Variants in CACNA2D3 observed in about 807,000 individuals in gnomAD.
CACNA2D3 encodes the protein voltage-dependent calcium channel subunit alpha-2/delta-3.
CACNA2D3 carries 60 observed loss-of-function variants against 160.6 expected under a neutral mutation model. The observed-to-expected ratio is 0.37, with a 90% confidence interval of 0.30 to 0.46. The LOEUF (loss-of-function observed/expected upper bound fraction) is 0.46. Ranked by LOEUF, CACNA2D3 falls within the 20% of genes least tolerant of loss-of-function variation. The pLI, the probability that CACNA2D3 is intolerant of heterozygous loss-of-function variation, is 1.00. For synonymous variants in CACNA2D3, 558 were observed against 492.9 expected (o/e 1.13, Z -1.75); for missense variants, 1,205 against 1,365.0 (o/e 0.88, Z 1.85).
chr3:54,351,021 CTG>C (rs1698554720), intron 3 of CACNA2D3, among the ~76,000 whole-genome samples: 1 of 105,544 alleles, frequency 9.5e-6, no homozygotes, highest in African/African-American at 3.5e-5. Context: ...CAGAGTCTCA[CTG>C]TGTCGCCCAG....
chr3:54,488,243 A>G (rs996648746), intron 4 of CACNA2D3, among the ~76,000 whole-genome samples: 1 of 152,140 alleles, frequency 6.6e-6, no homozygotes, highest in East Asian at 1.9e-4. Context: ...GTTTTATTTC[A>G]TTTTAAAAGG....
At chr3:54,342,931 G>A (rs1221895372) in intron 3 of CACNA2D3, among the ~76,000 whole-genome samples, 1 of 152,148 alleles carries the variant, frequency 6.6e-6, no homozygotes, top group East Asian at 1.9e-4. Context: ...AGGCCCGGGG[G>A]GGCCCGCCCT....
intron 3 of CACNA2D3, among the ~76,000 whole-genome samples, chr3:54,341,890 G>A (rs1479257814): frequency 6.6e-6 from 1 of 152,096 alleles, no homozygotes; most frequent in Non-Finnish European, 1.5e-5. Flanking sequence ...AGTACTTGTT[G>A]AATTAGTAGA....
intron 13 of CACNA2D3, among the ~76,000 whole-genome samples, chr3:54,810,465 G>A (rs1168023846): frequency 6.6e-6 from 1 of 152,150 alleles, no homozygotes; most frequent in Non-Finnish European, 1.5e-5. Context: ...TATCCACATT[G>A]CTTAATGAAG....
intron 11 of CACNA2D3, among the ~76,000 whole-genome samples, chr3:54,666,400 T>C (rs1290179511): frequency 1.3e-5 from 2 of 152,240 alleles, no homozygotes; most frequent in Non-Finnish European, 2.9e-5. Context: ...TAGGTTTCTC[T>C]TAGCAGTAGA....
chr3:54,778,821 C>T (rs1702474971), intron 13 of CACNA2D3, among the ~76,000 whole-genome samples: 1 of 152,160 alleles, frequency 6.6e-6, no homozygotes, highest in Non-Finnish European at 1.5e-5. Flanking sequence ...TCCAACATTT[C>T]ACTCAGCATG....
intron 27 of CACNA2D3, among the ~76,000 whole-genome samples, chr3:54,923,638 G>A (rs1380215662): frequency 6.6e-6 from 1 of 152,172 alleles, no homozygotes; most frequent in Non-Finnish European, 1.5e-5. Flanking sequence ...TCAGTGCCTG[G>A]CATACAAAAG....
At chr3:54,456,982 T>A (rs1575465224) in intron 4 of CACNA2D3, among the ~76,000 whole-genome samples, 2 of 152,004 alleles carry the variant, frequency 1.3e-5, no homozygotes, top group Non-Finnish European at 2.9e-5. Context: ...TTGGGTCTTT[T>A]TTTTTAATTA....
chr3:54,365,396 A>T (rs1277353440), intron 3 of CACNA2D3, among the ~76,000 whole-genome samples: 2 of 152,246 alleles, frequency 1.3e-5, no homozygotes, highest in African/African-American at 4.8e-5. Flanking sequence ...TAAAGAAGTC[A>T]TGAGGAGGAA....
At chr3:54,720,696 A>G (rs1172494711) in intron 11 of CACNA2D3, among the ~76,000 whole-genome samples, 1 of 152,058 alleles carries the variant, frequency 6.6e-6, no homozygotes, top group Non-Finnish European at 1.5e-5. Flanking sequence ...CCACTATGAT[A>G]TTGTATTTCT....
intron 4 of CACNA2D3, among the ~76,000 whole-genome samples, chr3:54,477,740 C>T (rs150024410): frequency 4.6e-5 from 7 of 152,262 alleles, no homozygotes; most frequent in African/African-American, 1.7e-4. Flanking sequence ...CATCTTCACA[C>T]GGAGATCAGA....
At chr3:54,128,310 C>T (rs922352021) in intron 2 of CACNA2D3, among the ~76,000 whole-genome samples, 1 of 151,966 alleles carries the variant, frequency 6.6e-6, no homozygotes, top group Non-Finnish European at 1.5e-5. Flanking sequence ...TCAGCATGAG[C>T]AAAAGTAAAA....
At chr3:54,690,250 ACT>A (rs1190540917) in intron 11 of CACNA2D3, among the ~76,000 whole-genome samples, 1 of 151,548 alleles carries the variant, frequency 6.6e-6, no homozygotes, top group Non-Finnish European at 1.5e-5. Context: ...CTGTCCATTG[ACT>A]CTGGTTCTAA....
intron 8 of CACNA2D3, among the ~76,000 whole-genome samples, chr3:54,574,722 G>T (rs553701611): frequency 6.6e-6 from 1 of 152,172 alleles, no homozygotes; most frequent in African/African-American, 2.4e-5. Flanking sequence ...AAATGAGGGT[G>T]CTAATTCTGT....
intron 27 of CACNA2D3, among the ~76,000 whole-genome samples, chr3:54,963,919 T>C (rs547523688): frequency 1.2e-4 from 18 of 152,196 alleles, no homozygotes; most frequent in South Asian, 2.1e-4. Context: ...GGAAGGAAGA[T>C]ACTTTGTTGA....
At chr3:54,801,882 G>A (rs1193533144) in intron 13 of CACNA2D3, among the ~76,000 whole-genome samples, 8 of 152,016 alleles carry the variant, frequency 5.3e-5, no homozygotes. Context: ...GTCCTGGTAA[G>A]ATAATACCCA....
rs1263301119 is a variant in CACNA2D3 at position 54,653,189 on chromosome 3, A to G, written c.1167+10948A>G. Among the ~76,000 whole-genome samples the G allele has an allele frequency of 4.6e-5, 7 of 152,176 alleles. No homozygotes were observed. The East Asian group carries it at 1.4e-3, about 29-fold the overall frequency. On this transcript the variant is annotated intron_variant, in intron 11 of 37. Transcript: ENST00000474759. ...GGAGACATGGACTTGGGCTGCATGT[A>G]CCGATGGTATTAACTCTCCTCATCA...
intron 2 of CACNA2D3, among the ~76,000 whole-genome samples, chr3:54,242,660 G>A (rs1030305573): frequency 9.2e-5 from 14 of 152,106 alleles, no homozygotes; most frequent in Non-Finnish European, 1.9e-4. Flanking sequence ...GACTACGCCC[G>A]ACAAAGAGAC....
chr3:54,488,199 C>G (rs1466631243), intron 4 of CACNA2D3, among the ~76,000 whole-genome samples: 1 of 152,104 alleles, frequency 6.6e-6, no homozygotes, highest in Non-Finnish European at 1.5e-5. Flanking sequence ...TTGGGTTATT[C>G]CATACCAATG....
Sources: gnomAD v4.1 joint callset for allele counts (sites outside exome capture counted in the v4.1 genomes callset) on GRCh38, gnomAD v4.1.1 for gene constraint, MANE v1.5 for transcripts, NCBI Gene and HGNC (gene_info 2026-07-23, HGNC 2026-07-21) for gene names.